The following ARHGEF10 variants were observed in gnomAD, a reference collection of about 807,000 sequenced individuals.
ARHGEF10 encodes the protein Rho guanine nucleotide exchange factor (GEF) 10.
In ARHGEF10, 140 loss-of-function variants were observed where a neutral mutation model predicts 147.4. The observed-to-expected ratio is 0.95, with a 90% CI of 0.83 to 1.09. The LOEUF is 1.09. Among genes scored for constraint, ARHGEF10 ranks in the 50% least tolerant of loss-of-function variants. ARHGEF10 has a pLI of 0.00. For synonymous variants in ARHGEF10, 902 were observed against 695.8 expected (o/e 1.30, Z -4.67); for missense variants, 2,222 against 1,752.7 (o/e 1.27, Z -4.78).
chr8:1,900,255 C>T (rs140222702), intron 15 of ARHGEF10, among the ~76,000 whole-genome samples: 119 of 152,198 alleles, frequency 7.8e-4, no homozygotes, highest in Non-Finnish European at 1.5e-3. Context: ...CTGCTGGAAA[C>T]GGAACAGGAC....
At chr8:1,905,528 G>T (rs778543173) in intron 16 of ARHGEF10, 43 bp from the exon 17 acceptor site, 2 of 1,613,724 alleles carry the variant, frequency 1.2e-6, no homozygotes, top group South Asian at 1.1e-5. Flanking sequence ...TCTTTTCCGG[G>T]TAAACTGAAC....
At chr8:1,887,383 C>A (rs1024372918) in intron 11 of ARHGEF10, among the ~76,000 whole-genome samples, 2 of 151,950 alleles carry the variant, frequency 1.3e-5, no homozygotes, top group African/African-American at 4.8e-5. Flanking sequence ...GGGCAGGATG[C>A]GGGGGTGAGT....
At position 1,858,053 on chromosome 8, in the gene ARHGEF10, G is replaced by A. The variant is rs1563186241; in HGVS notation, c.131G>A (p.Arg44Lys). The A allele has an allele frequency of 6.2e-7, 1 of 1,614,144 alleles. No homozygotes were observed. The highest frequency in any genetic ancestry group is 8.5e-7 in the Non-Finnish European group (1 of 1,180,024). The change falls in exon 3 of 29, where the codon AGA (arginine) becomes AAA (lysine). Residue 44 changes from arginine to lysine, a missense_variant. Physicochemically the swap from Arg to Lys is conservative, Grantham distance 26. Transcript: ENST00000349830. ...DSGDEIPEADRQAPSAPETGG... is the reference protein window; with the variant it reads ...DSGDEIPEADKQAPSAPETGG... The stretch of plus-strand genomic sequence containing the variant: ...GGAGATGAAATCCCAGAAGCGGACA[G>A]ACAGGCCCCATCCGCCCCTGAGACA...
chr8:1,941,514 T>C (rs917382942), intron 26 of ARHGEF10, among the ~76,000 whole-genome samples: 4 of 152,082 alleles, frequency 2.6e-5, no homozygotes, highest in African/African-American at 7.2e-5. Flanking sequence ...TGTACTATTG[T>C]TAAGAAGAAA....
chr8:1,898,407 G>A, intron 14 of ARHGEF10, 26 bp from the exon 15 acceptor site: 3 of 1,609,484 alleles, frequency 1.9e-6, no homozygotes, highest in Non-Finnish European at 2.6e-6. Flanking sequence ...CCTGCAGGGA[G>A]GTGACCCCGG....
chr8:1,908,182 C>A (rs1206035476), intron 17 of ARHGEF10, among the ~76,000 whole-genome samples: 2 of 151,182 alleles, frequency 1.3e-5, no homozygotes, highest in Non-Finnish European at 2.9e-5. Context: ...GTGCTCAGTC[C>A]AATGCATAGC....
At chr8:1,954,784 G>A (rs987808941) in intron 28 of ARHGEF10, among the ~76,000 whole-genome samples, 4 of 152,192 alleles carry the variant, frequency 2.6e-5, no homozygotes, top group Admixed American at 6.5e-5. Flanking sequence ...TCACCTTTCC[G>A]GCTTTTGCAT....
At chr8:1,832,599 CAGGCAG>C (rs1255210778) in intron 1 of ARHGEF10, among the ~76,000 whole-genome samples, 2 of 79,028 alleles carry the variant, frequency 2.5e-5, no homozygotes, top group African/African-American at 1.0e-4. Context: ...GAGACAGAGA[CAGGCAG>C]AGGCAGAGAC....
intron 1 of ARHGEF10, among the ~76,000 whole-genome samples, chr8:1,832,835 C>CAGAT (rs1803268518): frequency 2.8e-5 from 1 of 35,308 alleles, no homozygotes; most frequent in Non-Finnish European, 5.5e-5. Context: ...GAGGCAGAGG[C>CAGAT]AGAGACAGAG....
At chr8:1,892,629 G>A (rs953794394) in intron 11 of ARHGEF10, among the ~76,000 whole-genome samples, 1 of 151,990 alleles carries the variant, frequency 6.6e-6, no homozygotes, top group Non-Finnish European at 1.5e-5. Flanking sequence ...TGGAGTACCC[G>A]TGTGTGTGCA....
Position 1,957,411 on chromosome 8 carries a change from G to A in ARHGEF10, c.*148G>A. Reference sequence around the variant, plus strand: ...GGGAGAAACGTGCAATAGCGTAATGGTGGTGTCCCTGCCAATTCCTTCCTT... The same window carrying A: ...GGGAGAAACGTGCAATAGCGTAATGATGGTGTCCCTGCCAATTCCTTCCTT... On this transcript the variant is annotated 3_prime_UTR_variant, in exon 29 of 29. Coordinates refer to ENST00000349830, the MANE Select transcript of ARHGEF10 (RefSeq NM_014629.4). The A allele has an allele frequency of 8.8e-7, 1 of 1,140,440 alleles. No individual in the cohort carries two copies. Among genetic ancestry groups the A allele is most frequent in the South Asian group, 1.5e-5 (1 of 67,452 alleles). 70.6% of individuals were successfully genotyped at this position (1,140,440 alleles called of 1,614,324 possible).
chr8:1,894,572 G>T lies in ARHGEF10; in HGVS notation c.1440G>T (p.Ser480=). Residue 480 remains serine (S), a splice_region_variant and synonymous_variant, in exon 13 of 29, where the codon TCG becomes TCT. Transcript: ENST00000349830. ...TGATAGGCGATGTCTTCGTGGCTTC[G>T]GTAATTAAGCTGGGACACCTGGATG... is the stretch of plus-strand genomic sequence containing the variant. ...VEMIGDVFVA[S]FSKSMVLDAY... is the part of the protein sequence containing the mutation. 3 of 1,613,910 alleles carry T rather than the reference G, an allele frequency of 1.9e-6. No individual in the cohort carries two copies. Among genetic ancestry groups the T allele is most frequent in the Non-Finnish European group, 2.5e-6 (3 of 1,179,938 alleles).
In ARHGEF10 at chr8:1,957,960, T is replaced by A. The variant is rs1281100166; in HGVS notation, c.*697T>A. On this transcript the variant is annotated 3_prime_UTR_variant, in exon 29 of 29. Transcript: ENST00000349830. ...TATCTGTAGCATTTCACAAATAATGTTTGCTTTGAACCAAAATGCTCAGTG... is the reference window on the plus strand; with the variant it reads ...TATCTGTAGCATTTCACAAATAATGATTGCTTTGAACCAAAATGCTCAGTG... 2 of 152,300 alleles carry A rather than the reference T, an allele frequency of 1.3e-5. No homozygotes were observed. The highest frequency in any genetic ancestry group is 2.9e-5 in the Non-Finnish European group (2 of 68,092). The allele number at this position is 152,300 out of a possible 1,614,324, so 9.4% of individuals were successfully genotyped here.
In ARHGEF10 at chr8:1,863,678, C is replaced by T. The variant is rs7843985; in HGVS notation, c.482-695C>T. 2.0e-5 allele frequency among the ~76,000 whole-genome samples: 3 copies of T among 152,080 alleles called. No homozygotes were observed. The South Asian group carries it at 6.2e-4, about 32-fold the overall frequency. ...CCCTCCGAGGTGGGAGGGTCTGCTT[C>T]TTCTGCACTGGCGTCTCAGGCTGTC... is the stretch of plus-strand genomic sequence containing the variant. On this transcript the variant is annotated intron_variant, in intron 4 of 28. Transcript: ENST00000349830.
chr8:1,835,397 G>C (rs1273485162), intron 1 of ARHGEF10, among the ~76,000 whole-genome samples: 4 of 152,132 alleles, frequency 2.6e-5, no homozygotes, highest in African/African-American at 9.7e-5. Context: ...AAGGGCCTGT[G>C]TGGCTGGGAA....
chr8:1,828,393 G>A (rs185816875), intron 1 of ARHGEF10, among the ~76,000 whole-genome samples: 2 of 151,916 alleles, frequency 1.3e-5, no homozygotes, highest in African/African-American at 2.4e-5. Context: ...ATAAACCGTG[G>A]CATGCACACT....
At chr8:1,844,013 A>G (rs1804306096) in intron 2 of ARHGEF10, among the ~76,000 whole-genome samples, 3 of 152,210 alleles carry the variant, frequency 2.0e-5, no homozygotes, top group Non-Finnish European at 4.4e-5. Flanking sequence ...GCCAGTGGAG[A>G]AGGTGGACAC....
chr8:1,857,825 C>G (rs985174030), intron 2 of ARHGEF10, 135 bp from the exon 3 acceptor site: 12 of 797,944 alleles, frequency 1.5e-5, no homozygotes, highest in Admixed American at 8.9e-5. Flanking sequence ...TAACTACAAG[C>G]GCAGTACAGC....
chr8:1,922,326 A>T (rs1367809705), intron 18 of ARHGEF10, among the ~76,000 whole-genome samples: 1 of 151,802 alleles, frequency 6.6e-6, no homozygotes, highest in Non-Finnish European at 1.5e-5. Context: ...ATGGTAGATG[A>T]CCCCAGTTAT....
Sources: gnomAD v4.1 joint callset for allele counts (sites outside exome capture counted in the v4.1 genomes callset) on GRCh38, gnomAD v4.1.1 for gene constraint, MANE v1.5 for transcripts, NCBI Gene and HGNC (gene_info 2026-07-23, HGNC 2026-07-21) for gene names.